Variants in TRIM40 observed in about 807,000 individuals in gnomAD.
TRIM40 encodes E3 ubiquitin ligase TRIM40.
In TRIM40, 27 loss-of-function variants were observed where a neutral mutation model predicts 26.1. The observed-to-expected ratio is 1.04, with a 90% CI of 0.76 to 1.43. TRIM40 has a LOEUF of 1.43. Ranked by LOEUF, TRIM40 falls within the 40% of genes most tolerant of loss-of-function variation. TRIM40 has a pLI of 0.00. For synonymous variants in TRIM40, 114 were observed against 120.0 expected (o/e 0.95, Z 0.33); for missense variants, 289 against 307.9 (o/e 0.94, Z 0.46).
At position 30,147,526 on chromosome 6, in the gene TRIM40, G is replaced by C; in HGVS notation, c.673G>C (p.Gly225Arg). The C allele has an allele frequency of 6.2e-7, 1 of 1,614,110 alleles. No homozygotes were observed. Among genetic ancestry groups the C allele is most frequent in the Non-Finnish European group, 8.5e-7 (1 of 1,180,034 alleles). Residue 225 changes from glycine (G) to arginine (R), a missense_variant, in exon 5 of 6, where the codon GGT (glycine) becomes CGT (arginine). By Grantham distance (125) the Gly-to-Arg change is moderately radical. Transcript: ENST00000396581. ...CACTTTTTCTCTCTCCTAGAATGCT[G>C]GTGACTTACTGAACAGGTACGAGCT... Reference protein sequence around the residue: ...ELDTNTLKNAGDLLNRSAPQK... With the variant: ...ELDTNTLKNARDLLNRSAPQK...
intron 2 of TRIM40, among the ~76,000 whole-genome samples, chr6:30,138,089 A>ACC (rs1771126910): frequency 2.0e-5 from 3 of 151,254 alleles, no homozygotes; most frequent in African/African-American, 7.3e-5. Context: ...ACACACACAC[A>ACC]CCCTCAAAGG....
In TRIM40 at chr6:30,147,915, C is replaced by G; in HGVS notation, c.*103C>G. 1.1e-6 allele frequency: 1 copy of G among 923,106 alleles called. No individual in the cohort carries two copies. Among genetic ancestry groups the G allele is most frequent in the Non-Finnish European group, 1.8e-6 (1 of 569,836 alleles). 57.2% of individuals were successfully genotyped at this position (923,106 alleles called of 1,614,324 possible). A position where few individuals can be genotyped will look rare whatever the true frequency, so the allele number is the denominator to read the frequency against. On this transcript the variant is annotated 3_prime_UTR_variant, in exon 6 of 6. Transcript: ENST00000396581. ...CCACTGGGTCTACCCAGTGCATCTT[C>G]GGGCCTGCCAGCTCCTGAACATGTC... is the stretch of plus-strand genomic sequence containing the variant.
chr6:30,142,045 T>A (rs1771378506), intron 2 of TRIM40, among the ~76,000 whole-genome samples: 1 of 152,160 alleles, frequency 6.6e-6, no homozygotes. Context: ...GTGATTATAA[T>A]GGTGGACCTT....
intron 2 of TRIM40, among the ~76,000 whole-genome samples, chr6:30,140,247 TCTA>T (rs1247672684): frequency 1.3e-5 from 2 of 152,144 alleles, no homozygotes; most frequent in Non-Finnish European, 2.9e-5. Context: ...TATAAATCAT[TCTA>T]CTATAAAGAC....
At chr6:30,146,419 A>ATTT (rs533553305) in intron 3 of TRIM40, among the ~76,000 whole-genome samples, 1 of 148,160 alleles carries the variant, frequency 6.7e-6, no homozygotes. Flanking sequence ...ATTTTATTTT[A>ATTT]TTTTTTTTTT....
rs779978799 is a variant in TRIM40 at position 30,147,727 on chromosome 6, G to A, written c.692G>A (p.Ser231Asn). The A allele has an allele frequency of 1.9e-6, 3 of 1,614,026 alleles. No homozygotes were observed. In the South Asian group the frequency reaches 3.3e-5, roughly 18 times the overall value. Residue 231 changes from serine to asparagine, a missense_variant and splice_region_variant, in exon 6 of 6, where the codon AGT becomes AAT. By Grantham distance (46) the Ser-to-Asn change is conservative. Coordinates refer to ENST00000396581, the MANE Select transcript of TRIM40 (RefSeq NM_001286633.2). ...LKNAGDLLNR[S>N]APQKLEVIYP... ...ATGAAAGATTTCTTTGTTTCTAGGA[G>A]TGCTCCACAGAAATTAGAGGTTATT...
intron 2 of TRIM40, among the ~76,000 whole-genome samples, chr6:30,144,170 A>C (rs1025233574): frequency 6.6e-6 from 1 of 152,096 alleles, no homozygotes; most frequent in Non-Finnish European, 1.5e-5. Context: ...GGCACCTTGG[A>C]TGCTGGGTGA....
At chr6:30,140,633 G>A (rs1771289289) in intron 2 of TRIM40, among the ~76,000 whole-genome samples, 1 of 152,104 alleles carries the variant, frequency 6.6e-6, no homozygotes, top group Non-Finnish European at 1.5e-5. Flanking sequence ...ACGGTTTGAT[G>A]GGTGCAGCAA....
intron 2 of TRIM40, among the ~76,000 whole-genome samples, chr6:30,137,787 A>C (rs1023622229): frequency 6.6e-6 from 1 of 152,158 alleles, no homozygotes; most frequent in African/African-American, 2.4e-5. Flanking sequence ...AAAACCTGAA[A>C]GTTACTACAT....
rs78771971 is a variant in TRIM40, at chr6:30,137,219, T to C, written c.183T>C (p.Ser61=). 4,662 of 1,613,028 alleles carry C rather than the reference T, an allele frequency of 2.9e-3. 48 individuals carry two copies. The African/African-American group carries it at 0.034, about 12-fold the overall frequency. ...GCCCCCTCTGCCGGAAGCCCTGTTC[T>C]GAGGAGGTGCTAGGGACAGGCTATA... is the stretch of plus-strand genomic sequence containing the variant. ...FCCPLCRKPC[S]EEVLGTGYIC... is the part of the protein sequence containing the mutation. Residue 61 remains serine, a synonymous_variant, in exon 2 of 6, where the codon TCT becomes TCC. Coordinates refer to ENST00000396581, the MANE Select transcript of TRIM40 (RefSeq NM_001286633.2).
At chr6:30,144,550 C>T (rs1024853549) in intron 2 of TRIM40, among the ~76,000 whole-genome samples, 3 of 152,116 alleles carry the variant, frequency 2.0e-5, no homozygotes, top group Non-Finnish European at 2.9e-5. Flanking sequence ...CTTCAAGGCT[C>T]CTTTTTACAG....
intron 2 of TRIM40, among the ~76,000 whole-genome samples, chr6:30,142,626 A>G (rs1771410839): frequency 6.6e-6 from 1 of 152,176 alleles, no homozygotes; most frequent in African/African-American, 2.4e-5. Context: ...TGTCTTAAAT[A>G]CACAGAAATT....
At chr6:30,138,944 A>G (rs1771172175) in intron 2 of TRIM40, among the ~76,000 whole-genome samples, 1 of 152,224 alleles carries the variant, frequency 6.6e-6, no homozygotes. Flanking sequence ...TGGTTCTAAC[A>G]TCATTCCCTC....
At chr6:30,147,278 C>A in intron 4 of TRIM40, 69 bp downstream of exon 4, 2 of 1,574,412 alleles carry the variant, frequency 1.3e-6, no homozygotes, top group Non-Finnish European at 8.7e-7. Context: ...TCTGCATCAC[C>A]CTTCTGGGAG....
intron 2 of TRIM40, among the ~76,000 whole-genome samples, chr6:30,143,902 C>T (rs1771497646): frequency 6.6e-6 from 1 of 151,924 alleles, no homozygotes; most frequent in Non-Finnish European, 1.5e-5. Context: ...TTTTCATTTA[C>T]ACAGTGTCTG....
At chr6:30,144,435 T>C (rs1283493459) in intron 2 of TRIM40, among the ~76,000 whole-genome samples, 1 of 152,020 alleles carries the variant, frequency 6.6e-6, no homozygotes, top group Non-Finnish European at 1.5e-5. Flanking sequence ...AAGCATGAGA[T>C]GGATTGCTAG....
At chr6:30,141,170 G>A (rs932861161) in intron 2 of TRIM40, among the ~76,000 whole-genome samples, 3 of 152,068 alleles carry the variant, frequency 2.0e-5, no homozygotes, top group Non-Finnish European at 2.9e-5. Flanking sequence ...AAAAAAGAAC[G>A]TGACAATTTG....
Position 30,147,197 on chromosome 6 carries a change from C to T in TRIM40, c.654C>T (p.Thr218=). ...DLERTAKELD[T]NTLKNAGDLL... ...AAAGGACGGCCAAGGAATTAGACAC[C>T]AACACACTGAAGGTGCATACCCTGA... is the stretch of plus-strand genomic sequence containing the variant. The change falls in exon 4 of 6, where the codon ACC becomes ACT. Residue 218 remains threonine, a synonymous_variant. Coordinates refer to ENST00000396581, the MANE Select transcript of TRIM40 (RefSeq NM_001286633.2). 6.2e-7 allele frequency: 1 copy of T among 1,614,204 alleles called. No homozygotes were observed. Among genetic ancestry groups the T allele is most frequent in the Non-Finnish European group, 8.5e-7 (1 of 1,180,038 alleles).
intron 3 of TRIM40, among the ~76,000 whole-genome samples, chr6:30,146,725 T>C (rs921441612): frequency 6.6e-6 from 1 of 152,222 alleles, no homozygotes; most frequent in Non-Finnish European, 1.5e-5. Flanking sequence ...TAGGCCTCCA[T>C]TTCTGTCTCT....
Sources: allele counts gnomAD v4.1 joint callset (sites outside exome capture counted in the v4.1 genomes callset), GRCh38; gene constraint gnomAD v4.1.1; transcripts MANE v1.5; gene names NCBI Gene and HGNC (gene_info 2026-07-23, HGNC 2026-07-21).